The following PARPBP variants were observed in gnomAD, a reference collection of about 807,000 sequenced individuals.
PARPBP encodes the protein PARP1 binding protein.
In PARPBP, 52 loss-of-function variants were observed where a neutral mutation model predicts 50.0. The observed-to-expected ratio is 1.04, with a 90% CI of 0.83 to 1.31. PARPBP has a LOEUF of 1.31. Among genes scored for constraint, PARPBP ranks in the 50% most tolerant of loss-of-function variants. PARPBP has a pLI of 0.00. For synonymous variants in PARPBP, 244 were observed against 232.1 expected, an observed-to-expected ratio of 1.05 and a Z score of -0.47; for missense variants, 697 against 672.0, an observed-to-expected ratio of 1.04 and a Z score of -0.41.
intron 5 of PARPBP, 149 bp downstream of exon 5, chr12:102,164,757 T>C (rs1887962618): frequency 1.5e-6 from 1 of 687,366 alleles, no homozygotes; most frequent in Non-Finnish European, 2.5e-6. Context: ...TTTAATTTTT[T>C]ACCATATCGT....
At chr12:102,191,928 G>T (rs1890826987) in intron 9 of PARPBP, among the ~76,000 whole-genome samples, 1 of 152,052 alleles carries the variant, frequency 6.6e-6, no homozygotes, top group Admixed American at 6.6e-5. Flanking sequence ...TTGCTTATTT[G>T]TGATTCCAAA....
At chr12:102,144,706 A>G (rs1885124914) in intron 2 of PARPBP, among the ~76,000 whole-genome samples, 1 of 152,194 alleles carries the variant, frequency 6.6e-6, no homozygotes, top group African/African-American at 2.4e-5. Flanking sequence ...ATGTCAGACT[A>G]AAAATAGTGT....
At chr12:102,181,690 G>A (rs1889836319) in intron 8 of PARPBP, among the ~76,000 whole-genome samples, 1 of 152,100 alleles carries the variant, frequency 6.6e-6, no homozygotes, top group South Asian at 2.1e-4. Flanking sequence ...TAGGGGCGGG[G>A]CAGATACTAG....
At chr12:102,131,542 A>G (rs1225884414) in intron 2 of PARPBP, among the ~76,000 whole-genome samples, 1 of 152,244 alleles carries the variant, frequency 6.6e-6, no homozygotes, top group Non-Finnish European at 1.5e-5. Flanking sequence ...ATGCATGTGT[A>G]GGTTTATTGC....
Position 102,148,345 on chromosome 12 carries a change from A to T in PARPBP, c.269A>T (p.Asp90Val). 6.3e-7 allele frequency: 1 copy of T among 1,588,536 alleles called. No homozygotes were observed. The highest frequency in any genetic ancestry group is 1.1e-5 in the South Asian group (1 of 90,554). The change falls in exon 3 of 11, where the codon GAC (aspartate) becomes GTC (valine). Residue 90 changes from aspartate to valine, a missense_variant. Physicochemically the swap from Asp to Val is radical, Grantham distance 152. Coordinates refer to ENST00000327680, the MANE Select transcript of PARPBP (RefSeq NM_017915.5). ...ENMDVTDHYE[D>V]VRKIYDDFLK... ...ATGGACGTGACTGACCATTATGAGGACGTTAGGAAGATTTATGATGATTTC... is the reference window on the plus strand; with the variant it reads ...ATGGACGTGACTGACCATTATGAGGTCGTTAGGAAGATTTATGATGATTTC...
At chr12:102,184,684 C>T (rs191728736) in intron 9 of PARPBP, among the ~76,000 whole-genome samples, 14 of 152,216 alleles carry the variant, frequency 9.2e-5, no homozygotes, top group Middle Eastern at 6.8e-3. Flanking sequence ...TACTAATAAA[C>T]GGCAATCAAG....
intron 2 of PARPBP, among the ~76,000 whole-genome samples, chr12:102,145,604 T>C (rs1885235729): frequency 6.6e-6 from 1 of 152,184 alleles, no homozygotes; most frequent in African/African-American, 2.4e-5. Flanking sequence ...TATAGTTAGA[T>C]AAAATATTAG....
chr12:102,166,007 A>G, intron 6 of PARPBP, 124 bp downstream of exon 6: 1 of 615,130 alleles, frequency 1.6e-6, no homozygotes, highest in Non-Finnish European at 2.8e-6. Flanking sequence ...CGAAGAAACA[A>G]AATCTAGATG....
intron 1 of PARPBP, chr12:102,120,541 CTGCT>C: frequency 2.2e-6 from 1 of 455,940 alleles, no homozygotes; most frequent in Non-Finnish European, 4.4e-6. Context: ...CCGTAGAGGC[CTGCT>C]TAACTTCCAT....
At chr12:102,142,354 C>T (rs1457434882) in intron 2 of PARPBP, among the ~76,000 whole-genome samples, 4 of 152,164 alleles carry the variant, frequency 2.6e-5, no homozygotes, top group African/African-American at 9.7e-5. Context: ...TTAAGGTATT[C>T]TCTACCCTGT....
chr12:102,170,836 C>T lies in PARPBP; in HGVS notation c.822-4647C>T, dbSNP rs1030123378. On this transcript the variant is annotated intron_variant, in intron 6 of 10. Coordinates refer to ENST00000327680, the MANE Select transcript of PARPBP (RefSeq NM_017915.5). Reference sequence around the variant, plus strand: ...TAACACTTAGCTTAAAACACAAATACATTGTACAGCTGTACAGAATTTTTT... The same window carrying T: ...TAACACTTAGCTTAAAACACAAATATATTGTACAGCTGTACAGAATTTTTT... 3.3e-5 allele frequency among the ~76,000 whole-genome samples: 5 copies of T among 151,030 alleles called. No individual in the cohort carries two copies. In the South Asian group the frequency reaches 8.4e-4, roughly 25 times the overall value.
At chr12:102,120,385 A>C (rs1468669152) in intron 1 of PARPBP, 99 bp downstream of exon 1, 1 of 449,776 alleles carries the variant, frequency 2.2e-6, no homozygotes, top group Non-Finnish European at 4.5e-6. Context: ...CCTCGGTCGT[A>C]GCAAAGTGCC....
At position 102,196,012 on chromosome 12, in the gene PARPBP, G is replaced by T; in HGVS notation, c.1461G>T (p.Leu487=). 1 of 1,610,762 alleles carries T rather than the reference G, an allele frequency of 6.2e-7. No individual in the cohort carries two copies. Among genetic ancestry groups the T allele is most frequent in the South Asian group, 1.1e-5 (1 of 90,788 alleles). ...GAACGAGTTTTGGAAATGTTCATCT[G>T]GACAGAAGTAAAAATGAAAAAGTAT... ...TIGTSFGNVH[L]DRSKNEKVSR... Residue 487 remains leucine (L), a synonymous_variant, in exon 11 of 11, where the codon CTG becomes CTT. Coordinates refer to ENST00000327680, the MANE Select transcript of PARPBP (RefSeq NM_017915.5).
At chr12:102,148,525 A>G (rs1446400956) in intron 3 of PARPBP, 62 bp downstream of exon 3, 2 of 649,312 alleles carry the variant, frequency 3.1e-6, no homozygotes, top group Admixed American at 2.8e-5. Flanking sequence ...TTTATTTTGA[A>G]TTATAGTATC....
chr12:102,194,787 A>G (rs1234891161), intron 9 of PARPBP, among the ~76,000 whole-genome samples: 1 of 151,640 alleles, frequency 6.6e-6, no homozygotes, highest in Non-Finnish European at 1.5e-5. Context: ...ATTTTGTTTT[A>G]TCTTGCAGTT....
Position 102,124,060 on chromosome 12 carries a change from G to A in PARPBP, c.153+19G>A, listed in dbSNP as rs1160472575. 7.9e-6 allele frequency: 12 copies of A among 1,519,916 alleles called. No individual in the cohort carries two copies. The highest frequency in any genetic ancestry group is 1.1e-5 in the Non-Finnish European group (12 of 1,137,156). The allele number at this position is 1,519,916 out of a possible 1,614,324, so 94.2% of individuals were successfully genotyped here. On this transcript the variant is annotated intron_variant, in intron 2 of 10. Coordinates refer to ENST00000327680, the MANE Select transcript of PARPBP (RefSeq NM_017915.5). ...CAAACAGGTTGGTAAACTATATTTG[G>A]GTTAACTTGTTTTTTTAAAGCAAAA...
intron 8 of PARPBP, among the ~76,000 whole-genome samples, chr12:102,179,124 C>G (rs1889578726): frequency 6.6e-6 from 1 of 152,146 alleles, no homozygotes; most frequent in Non-Finnish European, 1.5e-5. Context: ...GAATTAGAGG[C>G]TCCACTTTAT....
chr12:102,195,248 A>G (rs1198625794), intron 9 of PARPBP, 64 bp from the exon 10 acceptor site: 6 of 1,041,850 alleles, frequency 5.8e-6, no homozygotes, highest in South Asian at 4.6e-5. Context: ...GTGTGTGTCT[A>G]TCTAGATGAA....
intron 4 of PARPBP, among the ~76,000 whole-genome samples, chr12:102,154,349 G>A (rs374397233): frequency 7.8e-4 from 119 of 152,270 alleles, no homozygotes; most frequent in African/African-American, 2.7e-3. Flanking sequence ...ACCCCTTGCA[G>A]TAGTACAGCT....
Sources: gnomAD v4.1 joint callset for allele counts (sites outside exome capture counted in the v4.1 genomes callset) on GRCh38, gnomAD v4.1.1 for gene constraint, MANE v1.5 for transcripts, NCBI Gene and HGNC (gene_info 2026-07-23, HGNC 2026-07-21) for gene names.